CCDC141: variants seen among roughly 807,000 people sequenced by gnomAD.
CCDC141 encodes the protein coiled-coil domain-containing protein 141.
In CCDC141, 168 loss-of-function variants were observed where a neutral mutation model predicts 181.0. The observed-to-expected ratio is 0.93, with a 90% CI of 0.82 to 1.05. The LOEUF (loss-of-function observed/expected upper bound fraction) is 1.05, where lower values mean the gene tolerates loss of function less well. Among genes scored for constraint, CCDC141 ranks in the 50% least tolerant of loss-of-function variants. The pLI is 0.00. For missense variants in CCDC141, 1,902 were observed against 1,788.5 expected (o/e 1.06, Z -1.14); for synonymous variants, 666 against 642.3 (o/e 1.04, Z -0.56).
At chr2:178,834,898 G>C (rs1244601387) in intron 23 of CCDC141, among the ~76,000 whole-genome samples, 2 of 151,568 alleles carry the variant, frequency 1.3e-5, no homozygotes, top group African/African-American at 4.8e-5. Flanking sequence ...CTGGTGGCGA[G>C]AGAATTGCTT....
At chr2:178,869,469 T>TA (rs1320427220) in intron 14 of CCDC141, among the ~76,000 whole-genome samples, 164 bp from the exon 15 acceptor site, 1 of 152,092 alleles carries the variant, frequency 6.6e-6, no homozygotes, top group African/African-American at 2.4e-5. Flanking sequence ...TGCTGGATGA[T>TA]AGAGATATGT....
At chr2:178,894,276 T>G (rs577462499) in intron 8 of CCDC141, among the ~76,000 whole-genome samples, 1 of 152,060 alleles carries the variant, frequency 6.6e-6, no homozygotes, top group Admixed American at 6.6e-5. Flanking sequence ...AGGTGGTCAC[T>G]GCAAAGCTGC....
chr2:178,911,750 A>G (rs1688228358), intron 7 of CCDC141, among the ~76,000 whole-genome samples: 1 of 152,228 alleles, frequency 6.6e-6, no homozygotes, highest in African/African-American at 2.4e-5. Context: ...GTGACACACA[A>G]AGAAGATTAG....
At chr2:179,015,242 CTCATATATATCTCATATATA>C (rs1375448383) in intron 2 of CCDC141, among the ~76,000 whole-genome samples, 1 of 135,482 alleles carries the variant, frequency 7.4e-6, no homozygotes, top group African/African-American at 2.8e-5. Context: ...ATATATATAT[CTCATATATATCTCATATATA>C]TCATATATAT....
chr2:178,886,022 T>A (rs1686866145), intron 10 of CCDC141, among the ~76,000 whole-genome samples: 1 of 152,146 alleles, frequency 6.6e-6, no homozygotes, highest in African/African-American at 2.4e-5. Context: ...AAGTTCTAAG[T>A]ATTCTAAATA....
At chr2:178,828,787 A>G (rs1453592418), downstream of CCDC141, among the ~76,000 whole-genome samples, 2 of 152,180 alleles carry the variant, frequency 1.3e-5, no homozygotes, top group Non-Finnish European at 2.9e-5. Context: ...TATGCGTTGG[A>G]GACAATTTGC....
chr2:179,046,451 C>T (rs140444436), intron 2 of CCDC141, among the ~76,000 whole-genome samples: 9 of 152,352 alleles, frequency 5.9e-5, no homozygotes, highest in African/African-American at 1.9e-4. Context: ...CGCAGCCCCA[C>T]TCAGTGACCG....
At chr2:178,850,451 T>C (rs1685115959) in intron 20 of CCDC141, among the ~76,000 whole-genome samples, 1 of 152,246 alleles carries the variant, frequency 6.6e-6, no homozygotes, top group Admixed American at 6.5e-5. Context: ...GTTCAAAACA[T>C]TCAGTGGTTC....
intron 2 of CCDC141, among the ~76,000 whole-genome samples, chr2:178,980,793 T>C (rs1210628221): frequency 1.3e-5 from 2 of 152,226 alleles, no homozygotes; most frequent in East Asian, 3.8e-4. Context: ...TTAATTATTT[T>C]GCAATGTATA....
chr2:179,041,793 A>G (rs565813432), intron 2 of CCDC141, among the ~76,000 whole-genome samples: 65 of 152,280 alleles, frequency 4.3e-4, no homozygotes, highest in Non-Finnish European at 6.0e-4. Context: ...ACTGTAAACC[A>G]ACAAAGACTA....
chr2:178,887,794 C>T (rs892763533), intron 9 of CCDC141, among the ~76,000 whole-genome samples: 13 of 152,166 alleles, frequency 8.5e-5, no homozygotes, highest in African/African-American at 2.7e-4. Context: ...ATAAGTCCAC[C>T]GTATCAAACG....
chr2:178,939,497 A>G (rs960707883), intron 6 of CCDC141, among the ~76,000 whole-genome samples: 2 of 152,016 alleles, frequency 1.3e-5, no homozygotes, highest in Admixed American at 6.6e-5. Flanking sequence ...CTCACTTTCT[A>G]CCTTTTTTGG....
At chr2:178,971,988 G>A (rs1197356406) in intron 4 of CCDC141, among the ~76,000 whole-genome samples, 1 of 151,864 alleles carries the variant, frequency 6.6e-6, no homozygotes, top group East Asian at 1.9e-4. Flanking sequence ...ACGGGTTGAT[G>A]GGTGCAGCAA....
the CCDC141 span, among the ~76,000 whole-genome samples, chr2:178,816,125 T>G: frequency 6.6e-6 from 1 of 152,230 alleles, no homozygotes; most frequent in Non-Finnish European, 1.5e-5. Flanking sequence ...TTTAATGACA[T>G]GTATCCACCA....
intron 3 of CCDC141, among the ~76,000 whole-genome samples, chr2:178,978,194 A>G (rs1691209001): frequency 1.3e-5 from 2 of 152,176 alleles, no homozygotes; most frequent in Admixed American, 6.5e-5. Context: ...ACTACCTTCT[A>G]TAGAGGGAAA....
chr2:178,858,239 G>C (rs1043572686), intron 17 of CCDC141, among the ~76,000 whole-genome samples: 1 of 152,106 alleles, frequency 6.6e-6, no homozygotes, highest in African/African-American at 2.4e-5. Flanking sequence ...ATATTTAAAA[G>C]ATCATATTCA....
At chr2:179,022,467 C>T (rs1451542701) in intron 2 of CCDC141, among the ~76,000 whole-genome samples, 1 of 152,064 alleles carries the variant, frequency 6.6e-6, no homozygotes, top group Non-Finnish European at 1.5e-5. Context: ...GCTTTTCTAC[C>T]TTGAAGACCT....
At position 178,832,466 on chromosome 2, in the gene CCDC141, A is replaced by C. The variant is rs1010022867; in HGVS notation, c.*1707T>G. ...GGGCAAGAGAGCAAGACTCTTTCTC[A>C]AAAAAAAAAAAAAAAAACAAAAAAA... On this transcript the variant is annotated 3_prime_UTR_variant, in exon 24 of 24. Transcript: ENST00000443758. 1.2e-4 allele frequency: 11 copies of C among 89,690 alleles called. No individual in the cohort carries two copies. Among genetic ancestry groups the C allele is most frequent in the Middle Eastern group, 5.1e-3 (1 of 196 alleles). The allele number at this position is 89,690 out of a possible 1,614,324, so 5.6% of individuals were successfully genotyped here. A position where few individuals can be genotyped will look rare whatever the true frequency, so the allele number is the denominator to read the frequency against.
At chr2:178,943,796 AG>A (rs1020960037) in intron 6 of CCDC141, among the ~76,000 whole-genome samples, 2 of 152,134 alleles carry the variant, frequency 1.3e-5, no homozygotes, top group African/African-American at 4.8e-5. Context: ...TCAAATAACA[AG>A]ACACAATGGA....
Sources: gnomAD v4.1 joint callset for allele counts (sites outside exome capture counted in the v4.1 genomes callset) on GRCh38, gnomAD v4.1.1 for gene constraint, MANE v1.5 for transcripts, NCBI Gene and HGNC (gene_info 2026-07-23, HGNC 2026-07-21) for gene names.